The following DLG2 variants were observed in gnomAD, a reference collection of about 807,000 sequenced individuals.
DLG2 encodes the protein disks large homolog 2.
In DLG2, 45 loss-of-function variants were observed where a neutral mutation model predicts 132.5. That is an observed-to-expected ratio of 0.34 (90% CI 0.27 to 0.44). The LOEUF is 0.44. Among genes scored for constraint, DLG2 ranks in the 20% least tolerant of loss-of-function variants. The pLI is 1.00. For missense variants in DLG2, 1,045 were observed against 1,196.9 expected (o/e 0.87, Z 1.87); for synonymous variants, 424 against 419.6 (o/e 1.01, Z -0.13).
intron 7 of DLG2, among the ~76,000 whole-genome samples, chr11:84,336,880 C>T (rs1317033868): frequency 6.6e-6 from 1 of 152,138 alleles, no homozygotes; most frequent in Non-Finnish European, 1.5e-5. Context: ...TGCTCTTATC[C>T]TCATACCTAT....
intron 3 of DLG2, among the ~76,000 whole-genome samples, chr11:85,574,336 T>G (rs1166659968): frequency 6.6e-6 from 1 of 151,888 alleles, no homozygotes; most frequent in Non-Finnish European, 1.5e-5. Context: ...TAATATAGCC[T>G]GATTTTCTAC....
At chr11:85,342,159 T>C (rs2082544995) in intron 3 of DLG2, among the ~76,000 whole-genome samples, 1 of 152,232 alleles carries the variant, frequency 6.6e-6, no homozygotes, top group African/African-American at 2.4e-5. Context: ...ATTAGCTTAA[T>C]ATAACTTTTT....
At chr11:84,109,375 G>A (rs2093199484) in intron 9 of DLG2, among the ~76,000 whole-genome samples, 1 of 152,164 alleles carries the variant, frequency 6.6e-6, no homozygotes, top group Non-Finnish European at 1.5e-5. Context: ...TGAGTAAGGA[G>A]CGATATGACA....
intron 6 of DLG2, among the ~76,000 whole-genome samples, chr11:84,835,701 G>T (rs1370332108): frequency 6.6e-6 from 1 of 151,608 alleles, no homozygotes; most frequent in Non-Finnish European, 1.5e-5. Context: ...TTTTACGAAT[G>T]AAAACTTTTT....
intron 3 of DLG2, among the ~76,000 whole-genome samples, chr11:85,366,450 G>A (rs915440707): frequency 9.2e-5 from 14 of 152,024 alleles, no homozygotes; most frequent in Admixed American, 7.2e-4. Context: ...ATTTGTATGG[G>A]CATTAGAAAC....
At chr11:83,557,692 A>C (rs771483985) in intron 19 of DLG2, among the ~76,000 whole-genome samples, 2 of 152,206 alleles carry the variant, frequency 1.3e-5, no homozygotes, top group Non-Finnish European at 2.9e-5. Flanking sequence ...GAAATAATTA[A>C]GTAAAATGAA....
chr11:84,083,856 A>C (rs1265585132), intron 10 of DLG2, among the ~76,000 whole-genome samples: 1 of 152,232 alleles, frequency 6.6e-6, no homozygotes, highest in Non-Finnish European at 1.5e-5. Flanking sequence ...TTATATAGTA[A>C]CAGAAAGAGA....
At chr11:84,375,675 T>C (rs1284859899) in intron 7 of DLG2, among the ~76,000 whole-genome samples, 1 of 152,064 alleles carries the variant, frequency 6.6e-6, no homozygotes, top group African/African-American at 2.4e-5. Context: ...GAATATTTTT[T>C]TTTTTAATTA....
At chr11:83,997,439 A>G (rs975991233) in intron 11 of DLG2, among the ~76,000 whole-genome samples, 3 of 152,096 alleles carry the variant, frequency 2.0e-5, no homozygotes, top group Non-Finnish European at 2.9e-5. Context: ...AACTGTAAAG[A>G]CTATGCCAAA....
intron 8 of DLG2, among the ~76,000 whole-genome samples, chr11:84,174,014 C>CTTTTTTTTTTTTTTT (rs11338428): frequency 0.016 from 995 of 61,198 alleles, 218 homozygotes; most frequent in Non-Finnish European, 0.02. Context: ...ACCCCCCGGC[C>CTTTTTTTTTTTTTTT]TTTTTTTTTT....
chr11:83,481,212 A>G (rs1487519743), intron 22 of DLG2, among the ~76,000 whole-genome samples: 2 of 152,066 alleles, frequency 1.3e-5, no homozygotes, highest in Non-Finnish European at 2.9e-5. Flanking sequence ...CAATACTCCA[A>G]ATTGTTTTTT....
chr11:84,318,888 C>A (rs375232190), intron 7 of DLG2, among the ~76,000 whole-genome samples: 2 of 151,562 alleles, frequency 1.3e-5, no homozygotes, highest in African/African-American at 4.9e-5. Context: ...ATATGTTTGA[C>A]GGATGAATGG....
intron 6 of DLG2, among the ~76,000 whole-genome samples, chr11:85,069,906 G>A (rs1281346313): frequency 1.3e-5 from 2 of 151,860 alleles, no homozygotes; most frequent in Non-Finnish European, 2.9e-5. Flanking sequence ...ACCAACCCAA[G>A]TGTCCATCAA....
rs1463464718 is a variant in DLG2 at position 84,631,379 on chromosome 11, C to A, written c.358-96648G>T. On this transcript the variant is annotated intron_variant, in intron 6 of 27. Transcript: ENST00000376104. ...TCATAAGATAATAAAATTTTCTGAC[C>A]CTATCACATTATTTTGGGAAAAATG... 4.6e-5 allele frequency among the ~76,000 whole-genome samples: 7 copies of A among 151,942 alleles called. No homozygotes were observed. In the East Asian group the frequency reaches 1.4e-3, roughly 29 times the overall value.
chr11:84,629,302 C>A (rs930587087), intron 6 of DLG2, among the ~76,000 whole-genome samples: 1 of 152,154 alleles, frequency 6.6e-6, no homozygotes, highest in Non-Finnish European at 1.5e-5. Context: ...AAGATCAATA[C>A]AAAATTATTT....
intron 11 of DLG2, among the ~76,000 whole-genome samples, chr11:83,990,157 G>A (rs2093625429): frequency 6.6e-6 from 1 of 152,102 alleles, no homozygotes; most frequent in African/African-American, 2.4e-5. Context: ...ACAAAAGGAA[G>A]TAAAATCAGT....
At chr11:85,209,981 C>T (rs2082155318) in intron 4 of DLG2, among the ~76,000 whole-genome samples, 1 of 151,990 alleles carries the variant, frequency 6.6e-6, no homozygotes, top group Non-Finnish European at 1.5e-5. Context: ...CTCTCACTTT[C>T]TTCAGGTTTT....
At chr11:85,113,787 C>T (rs1171636736) in intron 5 of DLG2, among the ~76,000 whole-genome samples, 1 of 151,852 alleles carries the variant, frequency 6.6e-6, no homozygotes, top group Non-Finnish European at 1.5e-5. Context: ...GCCAAATCTA[C>T]CCAAAGATCT....
At chr11:84,353,568 C>A (rs985814557) in intron 7 of DLG2, among the ~76,000 whole-genome samples, 1 of 152,108 alleles carries the variant, frequency 6.6e-6, no homozygotes. Flanking sequence ...GGCTTTTTAA[C>A]TATTGTCTCC....
Sources: gnomAD v4.1 joint callset for allele counts (sites outside exome capture counted in the v4.1 genomes callset) on GRCh38, gnomAD v4.1.1 for gene constraint, MANE v1.5 for transcripts, NCBI Gene and HGNC (gene_info 2026-07-23, HGNC 2026-07-21) for gene names.